CNTN5: variants seen among roughly 807,000 people sequenced by gnomAD.
CNTN5 encodes contactin-5.
CNTN5 carries 77 observed loss-of-function variants against 129.1 expected under a neutral mutation model. The observed-to-expected ratio is 0.60, with a 90% CI of 0.50 to 0.72. The LOEUF (loss-of-function observed/expected upper bound fraction) is 0.72. CNTN5 is among the 30% of genes least tolerant of loss of function. The pLI, the probability that CNTN5 is intolerant of heterozygous loss-of-function variation, is 0.00. For missense variants in CNTN5, 1,478 were observed against 1,328.8 expected, an observed-to-expected ratio of 1.11 and a Z score of -1.75; for synonymous variants, 509 against 465.6, an observed-to-expected ratio of 1.09 and a Z score of -1.20.
chr11:99,149,257 A>C (rs970681544), intron 1 of CNTN5, among the ~76,000 whole-genome samples: 2 of 152,278 alleles, frequency 1.3e-5, no homozygotes, highest in African/African-American at 4.8e-5. Flanking sequence ...AGGCCTGAGG[A>C]TGTCCACATG....
At chr11:99,680,038 G>A (rs1434233074) in intron 3 of CNTN5, among the ~76,000 whole-genome samples, 4 of 152,166 alleles carry the variant, frequency 2.6e-5, no homozygotes, top group Non-Finnish European at 4.4e-5. Flanking sequence ...TGAGAGAGAT[G>A]AGGAAGATGA....
At chr11:99,762,050 G>A (rs1179085616) in intron 3 of CNTN5, among the ~76,000 whole-genome samples, 2 of 109,016 alleles carry the variant, frequency 1.8e-5, no homozygotes, top group Non-Finnish European at 4.1e-5. Flanking sequence ...TTTTTTGGCT[G>A]CATAAATGTC....
chr11:99,061,925 G>A (rs1157489815), intron 1 of CNTN5, among the ~76,000 whole-genome samples: 1 of 151,800 alleles, frequency 6.6e-6, no homozygotes, highest in Non-Finnish European at 1.5e-5. Context: ...CCAGGAGTTC[G>A]AGGTTACAGT....
chr11:99,813,795 G>A (rs1293967714), intron 3 of CNTN5, among the ~76,000 whole-genome samples: 1 of 152,052 alleles, frequency 6.6e-6, no homozygotes, highest in African/African-American at 2.4e-5. Flanking sequence ...AGAAATAACT[G>A]TGTCATACAC....
intron 17 of CNTN5, among the ~76,000 whole-genome samples, chr11:100,269,426 A>G (rs1000183120): frequency 2.2e-4 from 34 of 152,340 alleles, no homozygotes; most frequent in African/African-American, 7.9e-4. Flanking sequence ...GGAAATGTTA[A>G]GAGACCTTAG....
At chr11:99,750,421 T>C (rs1443328629) in intron 3 of CNTN5, among the ~76,000 whole-genome samples, 1 of 152,136 alleles carries the variant, frequency 6.6e-6, no homozygotes, top group African/African-American at 2.4e-5. Context: ...TATAGCAATA[T>C]TGTAACTACA....
At chr11:99,852,583 GT>G (rs1382595265) in intron 6 of CNTN5, among the ~76,000 whole-genome samples, 1 of 152,116 alleles carries the variant, frequency 6.6e-6, no homozygotes, top group Non-Finnish European at 1.5e-5. Context: ...AAATTTGCAA[GT>G]TTTTTTAATT....
At chr11:99,746,766 T>C (rs1259980226) in intron 3 of CNTN5, among the ~76,000 whole-genome samples, 1 of 152,226 alleles carries the variant, frequency 6.6e-6, no homozygotes, top group Admixed American at 6.5e-5. Context: ...CCTGTGTGGC[T>C]GGGGACTGCT....
At chr11:100,036,484 G>GT (rs1224696292) in intron 9 of CNTN5, among the ~76,000 whole-genome samples, 2 of 149,972 alleles carry the variant, frequency 1.3e-5, no homozygotes, top group Non-Finnish European at 3.0e-5. Flanking sequence ...CTTCAAAGTA[G>GT]TTTTTTCCAA....
At chr11:99,776,395 T>C (rs1347633224) in intron 3 of CNTN5, among the ~76,000 whole-genome samples, 1 of 151,980 alleles carries the variant, frequency 6.6e-6, no homozygotes, top group African/African-American at 2.4e-5. Context: ...ACACCATTTA[T>C]AGAAAAAATT....
At position 100,340,453 on chromosome 11, in the gene CNTN5, T is replaced by G; in HGVS notation, c.2731-10T>G. The G allele has an allele frequency of 6.3e-7, 1 of 1,592,540 alleles. No individual in the cohort carries two copies. Among genetic ancestry groups the G allele is most frequent in the Non-Finnish European group, 8.6e-7 (1 of 1,167,958 alleles). ...TAAAATTAACCTGCCATGTGATAAT[T>G]TGTTGATAGGTTGGTTACTGGAAAG... On this transcript the variant is annotated splice_polypyrimidine_tract_variant and intron_variant, in intron 21 of 24. Coordinates refer to ENST00000524871, the MANE Select transcript of CNTN5 (RefSeq NM_014361.4).
intron 2 of CNTN5, among the ~76,000 whole-genome samples, chr11:99,357,061 A>G (rs979614784): frequency 1.4e-4 from 22 of 152,224 alleles, no homozygotes; most frequent in Admixed American, 1.3e-4. Context: ...ATGTTATGCA[A>G]TTTAATAACC....
intron 1 of CNTN5, among the ~76,000 whole-genome samples, chr11:99,278,661 A>C (rs190608461): frequency 6.6e-6 from 1 of 151,690 alleles, no homozygotes; most frequent in Non-Finnish European, 1.5e-5. Context: ...AAGCATTGCT[A>C]TCCGCACTTT....
chr11:99,298,560 G>A (rs1376855204), intron 1 of CNTN5, among the ~76,000 whole-genome samples: 1 of 152,056 alleles, frequency 6.6e-6, no homozygotes, highest in African/African-American at 2.4e-5. Flanking sequence ...ATAGAAATAC[G>A]GAATCTTTTT....
At chr11:99,289,095 A>T (rs993418831) in intron 1 of CNTN5, among the ~76,000 whole-genome samples, 1 of 151,846 alleles carries the variant, frequency 6.6e-6, no homozygotes, top group Admixed American at 6.6e-5. Flanking sequence ...TATAATATAG[A>T]TAATAAACAC....
intron 1 of CNTN5, among the ~76,000 whole-genome samples, chr11:99,201,299 C>T (rs1454235395): frequency 1.3e-5 from 2 of 150,894 alleles, no homozygotes; most frequent in African/African-American, 2.4e-5. Context: ...GCTGGGATTA[C>T]AGGCGTGAGC....
chr11:100,070,621 A>C, intron 11 of CNTN5, 61 bp downstream of exon 11: 1 of 1,525,176 alleles, frequency 6.6e-7, no homozygotes, highest in Non-Finnish European at 9.0e-7. Context: ...ACACAGGACA[A>C]ACTAGGCTTC....
intron 8 of CNTN5, among the ~76,000 whole-genome samples, chr11:99,986,912 A>C (rs981567481): frequency 6.6e-6 from 1 of 152,226 alleles, no homozygotes; most frequent in African/African-American, 2.4e-5. Context: ...AATAGGAATC[A>C]AATTGACAGA....
At chr11:99,482,592 A>G (rs1945643735) in intron 2 of CNTN5, among the ~76,000 whole-genome samples, 1 of 152,208 alleles carries the variant, frequency 6.6e-6, no homozygotes, top group Non-Finnish European at 1.5e-5. Context: ...CTTTTTAAAT[A>G]TTTAATAAAA....
Sources: allele counts gnomAD v4.1 joint callset (sites outside exome capture counted in the v4.1 genomes callset), GRCh38; gene constraint gnomAD v4.1.1; transcripts MANE v1.5; gene names NCBI Gene and HGNC (gene_info 2026-07-23, HGNC 2026-07-21).